PDE7B: variants seen among roughly 807,000 people sequenced by gnomAD.
PDE7B encodes the protein 3',5'-cyclic-AMP phosphodiesterase 7B.
PDE7B carries 29 observed loss-of-function variants against 56.2 expected under a neutral mutation model. The ratio of observed to expected loss-of-function variants is 0.52; its 90% CI spans 0.38 to 0.70. The LOEUF (loss-of-function observed/expected upper bound fraction) is 0.70, where lower values mean the gene tolerates loss of function less well. Ranked by LOEUF, PDE7B falls within the 30% of genes least tolerant of loss-of-function variation. The pLI is 0.00. For missense variants in PDE7B, 490 were observed against 565.0 expected (o/e 0.87, Z 1.35); for synonymous variants, 197 against 196.9 (o/e 1.00, Z 0.00).
intron 2 of PDE7B, among the ~76,000 whole-genome samples, chr6:135,968,797 C>A (rs193219665): frequency 3.0e-4 from 46 of 152,180 alleles, no homozygotes; most frequent in African/African-American, 1.1e-3. Context: ...GGTATATAAC[C>A]AAAAGAATAT....
At chr6:135,907,684 A>G (rs1273246864) in intron 1 of PDE7B, among the ~76,000 whole-genome samples, 1 of 152,200 alleles carries the variant, frequency 6.6e-6, no homozygotes, top group Non-Finnish European at 1.5e-5. Flanking sequence ...ATTTACATTT[A>G]CAGCTTAGTA....
At chr6:135,857,680 T>C (rs1477321133) in intron 1 of PDE7B, among the ~76,000 whole-genome samples, 1 of 152,140 alleles carries the variant, frequency 6.6e-6, no homozygotes, top group Admixed American at 6.5e-5. Flanking sequence ...ACCTAAACAA[T>C]ATCAGAAACA....
At chr6:136,036,183 C>T (rs372106944) in intron 2 of PDE7B, among the ~76,000 whole-genome samples, 20 of 152,252 alleles carry the variant, frequency 1.3e-4, no homozygotes, top group Middle Eastern at 3.4e-3. Context: ...AAGGACTGGA[C>T]GGGCTGTCAA....
At chr6:136,068,302 T>A (rs895382537) in intron 2 of PDE7B, among the ~76,000 whole-genome samples, 11 of 151,856 alleles carry the variant, frequency 7.2e-5, no homozygotes, top group African/African-American at 2.7e-4. Flanking sequence ...GGGGGCGGCG[T>A]GCCAGGTCAT....
At chr6:135,966,122 A>T (rs533792768) in intron 2 of PDE7B, among the ~76,000 whole-genome samples, 11 of 152,308 alleles carry the variant, frequency 7.2e-5, no homozygotes, top group African/African-American at 2.6e-4. Flanking sequence ...TTCATCTAAC[A>T]TAGAAAGTTC....
At chr6:135,952,758 G>A (rs1774724209) in intron 2 of PDE7B, among the ~76,000 whole-genome samples, 1 of 152,066 alleles carries the variant, frequency 6.6e-6, no homozygotes, top group African/African-American at 2.4e-5. Flanking sequence ...AGTGTTTCAG[G>A]CCACGAGGTA....
rs116519530 is a variant in PDE7B, at chr6:135,921,294, T to C, written c.22-26170T>C. Among the ~76,000 whole-genome samples, 861 of 152,246 alleles carry C rather than the reference T, an allele frequency of 5.7e-3. 9 individuals carry two copies. Among genetic ancestry groups the C allele is most frequent in the African/African-American group, 0.02 (814 of 41,548 alleles). ...AATCCTTTTCTTAGATGGACAGATA[T>C]ATTCAGGAGGCTGTAGAGTTCAAAA... On this transcript the variant is annotated intron_variant, in intron 1 of 12. Coordinates refer to ENST00000308191, the MANE Select transcript of PDE7B (RefSeq NM_018945.4).
intron 2 of PDE7B, among the ~76,000 whole-genome samples, chr6:136,004,809 C>T (rs1490955247): frequency 1.3e-5 from 2 of 152,080 alleles, no homozygotes; most frequent in Non-Finnish European, 2.9e-5. Context: ...ATGCCATCCC[C>T]ATCAAGCTAC....
In PDE7B at chr6:136,166,057, A is replaced by T. The variant is rs539788557; in HGVS notation, c.712-7740A>T. ...ACCCACCAATTACTACAGCACTTACATGACCATTGTGTTTTCCTTTTATTG... is the reference window on the plus strand; with the variant it reads ...ACCCACCAATTACTACAGCACTTACTTGACCATTGTGTTTTCCTTTTATTG... On this transcript the variant is annotated intron_variant, in intron 8 of 12. Transcript: ENST00000308191. 2.6e-4 allele frequency among the ~76,000 whole-genome samples: 39 copies of T among 152,252 alleles called. 3 individuals carry two copies. The South Asian group carries it at 7.5e-3, about 29-fold the overall frequency.
intron 8 of PDE7B, among the ~76,000 whole-genome samples, chr6:136,159,590 G>C (rs777200313): frequency 6.6e-6 from 1 of 152,118 alleles, no homozygotes; most frequent in Non-Finnish European, 1.5e-5. Flanking sequence ...CCTAGGCTGG[G>C]GCTCTCATAG....
At chr6:135,921,848 TA>T (rs796829215) in intron 1 of PDE7B, among the ~76,000 whole-genome samples, 7 of 151,888 alleles carry the variant, frequency 4.6e-5, no homozygotes, top group African/African-American at 1.5e-4. Flanking sequence ...CTTTCTACTA[TA>T]AAAAAATACC....
At chr6:135,852,544 G>A (rs187898089) in intron 1 of PDE7B, among the ~76,000 whole-genome samples, 35 of 152,124 alleles carry the variant, frequency 2.3e-4, no homozygotes, top group African/African-American at 8.2e-4. Flanking sequence ...TGAGACTGAA[G>A]GTAGAAAAAA....
intron 8 of PDE7B, among the ~76,000 whole-genome samples, chr6:136,171,222 T>C (rs1017108961): frequency 2.6e-5 from 4 of 152,150 alleles, no homozygotes; most frequent in African/African-American, 4.8e-5. Context: ...AGATTGAATA[T>C]AACACAGGTT....
intron 2 of PDE7B, among the ~76,000 whole-genome samples, chr6:136,104,575 C>T (rs187557212): frequency 3.3e-5 from 5 of 152,032 alleles, no homozygotes; most frequent in African/African-American, 1.2e-4. Context: ...AGAACAGGCT[C>T]CTTAAAGCAG....
intron 2 of PDE7B, among the ~76,000 whole-genome samples, chr6:136,107,621 C>T (rs889582650): frequency 4.6e-5 from 7 of 152,194 alleles, no homozygotes; most frequent in Admixed American, 1.3e-4. Flanking sequence ...AAGGACACTT[C>T]GAAGTGGGTC....
rs1554265692 is a variant in PDE7B at position 135,906,827 on chromosome 6, T to TTTTTGTTTTTTTTTTTTTG, written c.22-40633_22-40632insGTTTTTTTTTTTTTGTTTT. Among the ~76,000 whole-genome samples, 435 of 133,466 alleles carry TTTTTGTTTTTTTTTTTTTG rather than the reference T, an allele frequency of 3.3e-3. 8 individuals carry two copies. Among genetic ancestry groups the TTTTTGTTTTTTTTTTTTTG allele is most frequent in the African/African-American group, 9.1e-3 (327 of 35,894 alleles). The allele number at this position is 133,466 out of a possible 152,430, so 87.6% of individuals were successfully genotyped here. A position where few individuals can be genotyped will look rare whatever the true frequency, so the allele number is the denominator to read the frequency against. On this transcript the variant is annotated intron_variant, in intron 1 of 12. Transcript: ENST00000308191. ...TGAGGTTTGTTTTTTTTTTTTTTTT[T>TTTTTGTTTTTTTTTTTTTG]TTTTTTTTTAATCCTCTAGGCTTTT...
At chr6:136,004,932 C>A (rs1471204804) in intron 2 of PDE7B, among the ~76,000 whole-genome samples, 1 of 152,130 alleles carries the variant, frequency 6.6e-6, no homozygotes. Context: ...CTGGAGGCAT[C>A]ACGCTACCTG....
At chr6:135,887,163 G>A (rs1775724188) in intron 1 of PDE7B, among the ~76,000 whole-genome samples, 1 of 151,988 alleles carries the variant, frequency 6.6e-6, no homozygotes, top group Non-Finnish European at 1.5e-5. Flanking sequence ...TCGTAAATCT[G>A]TTGAGAAATG....
At chr6:136,070,309 T>C (rs1777025653) in intron 2 of PDE7B, 1 of 152,162 alleles carries the variant, frequency 6.6e-6, no homozygotes, top group Admixed American at 6.5e-5. Context: ...ATCCAATATA[T>C]TTGAATTCTT....
Sources: allele counts gnomAD v4.1 joint callset (sites outside exome capture counted in the v4.1 genomes callset), GRCh38; gene constraint gnomAD v4.1.1; transcripts MANE v1.5; gene names NCBI Gene and HGNC (gene_info 2026-07-23, HGNC 2026-07-21).